The following ALG10B variants were observed in gnomAD, a reference collection of about 807,000 sequenced individuals.
ALG10B encodes ALG10 alpha-1,2-glucosyltransferase B, also known as dol-P-Glc:Glc(2)Man(9)GlcNAc(2)-PP-Dol alpha-1,2-glucosyltransferase B.
In ALG10B, 27 loss-of-function variants were observed where a neutral mutation model predicts 38.7. The observed-to-expected ratio is 0.70, with a 90% confidence interval of 0.51 to 0.96. The LOEUF is 0.96. Ranked by LOEUF, ALG10B falls within the 40% of genes least tolerant of loss-of-function variation. The probability of loss-of-function intolerance (pLI) is 0.00; values close to 1 mark genes in which losing one functional copy is unlikely to be tolerated. For missense variants in ALG10B, 522 were observed against 542.7 expected (o/e 0.96, Z 0.38); for synonymous variants, 177 against 193.3 (o/e 0.92, Z 0.70).
chr12:38,320,106 C>A (rs1232132859), intron 2 of ALG10B, 55 bp from the exon 3 acceptor site: 2 of 1,600,662 alleles, frequency 1.2e-6, no homozygotes, highest in South Asian at 1.1e-5. Context: ...ATTAGGTAAG[C>A]AGAAATAGCA....
In ALG10B at chr12:38,316,966, T is replaced by C; in HGVS notation, c.73T>C (p.Ser25Pro). The change falls in exon 1 of 3, where the codon TCC becomes CCC. Residue 25 changes from serine (S) to proline (P), a missense_variant. Coordinates refer to ENST00000308742, the MANE Select transcript of ALG10B (RefSeq NM_001013620.4). ...CTFLVSCLLF[S>P]AFSRALREPY... Reference sequence around the variant, plus strand: ...CTTTTTAGTGTCCTGCCTCCTCTTCTCCGCCTTCAGCCGGGCGCTGCGAGA... The same window carrying C: ...CTTTTTAGTGTCCTGCCTCCTCTTCCCCGCCTTCAGCCGGGCGCTGCGAGA... 1 of 1,614,072 alleles carries C rather than the reference T, an allele frequency of 6.2e-7. No homozygotes were observed. The highest frequency in any genetic ancestry group is 8.5e-7 in the Non-Finnish European group (1 of 1,180,016).
At chr12:38,319,193 G>T (rs1591936597) in intron 2 of ALG10B, among the ~76,000 whole-genome samples, 2 of 152,188 alleles carry the variant, frequency 1.3e-5, no homozygotes, top group South Asian at 4.1e-4. Context: ...TTCTGGGAGG[G>T]AGAGGAGTAT....
rs1482669731 is a variant in ALG10B, at chr12:38,327,761, T to A, written c.*6548T>A. On this transcript the variant is annotated 3_prime_UTR_variant, in exon 3 of 3. Transcript: ENST00000308742. ...CGTGTTATTTTTGTACTGGATATAG[T>A]CATTTTTTAAAATGCTACAAACTGT... 6.6e-6 allele frequency: 1 copy of A among 152,194 alleles called. No homozygotes were observed. The highest frequency in any genetic ancestry group is 1.5e-5 in the Non-Finnish European group (1 of 68,038). The allele number at this position is 152,194 out of a possible 1,614,324, so 9.4% of individuals were successfully genotyped here.
In ALG10B at chr12:38,327,537, A is replaced by C. The variant is rs1945755355; in HGVS notation, c.*6324A>C. 6.6e-6 allele frequency: 1 copy of C among 152,208 alleles called. No homozygotes were observed. Among genetic ancestry groups the C allele is most frequent in the Non-Finnish European group, 1.5e-5 (1 of 68,040 alleles). The allele number at this position is 152,208 out of a possible 1,614,324, so 9.4% of individuals were successfully genotyped here. On this transcript the variant is annotated 3_prime_UTR_variant, in exon 3 of 3. Coordinates refer to ENST00000308742, the MANE Select transcript of ALG10B (RefSeq NM_001013620.4). ...GAAGAAACTGAAGGTCGGTCAGGTC[A>C]GGTGATTTGCCCAAAGTCCACACTG...
rs1945739213 is a variant in ALG10B, at chr12:38,325,793, G to GTCAGTGTCTGATTGGTA, written c.*4582_*4598dup. Reference sequence around the variant, plus strand: ...GAGAATAGTATTTGTCCTAACTCTAGTCAGTGTCTGATTGGTATGTGTATA... The same window carrying GTCAGTGTCTGATTGGTA: ...GAGAATAGTATTTGTCCTAACTCTAGTCAGTGTCTGATTGGTATCAGTGTCTGATTGGTATGTGTATA... On this transcript the variant is annotated 3_prime_UTR_variant, in exon 3 of 3. Transcript: ENST00000308742. 1 of 152,072 alleles carries GTCAGTGTCTGATTGGTA rather than the reference G, an allele frequency of 6.6e-6. No individual in the cohort carries two copies. Among genetic ancestry groups the GTCAGTGTCTGATTGGTA allele is most frequent in the African/African-American group, 2.4e-5 (1 of 41,410 alleles). The allele number at this position is 152,072 out of a possible 1,614,324, so 9.4% of individuals were successfully genotyped here.
At position 38,316,959 on chromosome 12, in the gene ALG10B, CCTCTT is replaced by C; in HGVS notation, c.70_74del (p.Phe24ArgfsTer25). On this transcript the variant is annotated frameshift_variant, in exon 1 of 3. Transcript: ENST00000308742. LOFTEE classifies it high-confidence loss of function. ...GCTGTACCTTTTTAGTGTCCTGCCT[CCTCTT>C]CTCCGCCTTCAGCCGGGCGCTGCGA... 1.2e-6 allele frequency: 2 copies of C among 1,614,160 alleles called. No individual in the cohort carries two copies. The highest frequency in any genetic ancestry group is 1.1e-5 in the South Asian group (1 of 91,084).
rs1945750048 is a variant in ALG10B, at chr12:38,327,028, T to C, written c.*5815T>C. The C allele has an allele frequency of 6.7e-6, 1 of 149,438 alleles. No individual in the cohort carries two copies. Among genetic ancestry groups the C allele is most frequent in the African/African-American group, 2.4e-5 (1 of 40,940 alleles). 9.3% of individuals were successfully genotyped at this position (149,438 alleles called of 1,614,324 possible). A position where few individuals can be genotyped will look rare whatever the true frequency, so the allele number is the denominator to read the frequency against. ...TTTCTAACAAGGAAAAGAAAATACATATATATATATTTATATATACAAATA... is the reference window on the plus strand; with the variant it reads ...TTTCTAACAAGGAAAAGAAAATACACATATATATATTTATATATACAAATA... On this transcript the variant is annotated 3_prime_UTR_variant, in exon 3 of 3. Transcript: ENST00000308742.
Position 38,325,713 on chromosome 12 carries a change from T to C in ALG10B, c.*4500T>C, listed in dbSNP as rs994606030. The C allele has an allele frequency of 3.3e-5, 5 of 152,192 alleles. No individual in the cohort carries two copies. Among genetic ancestry groups the C allele is most frequent in the African/African-American group, 1.2e-4 (5 of 41,450 alleles). The allele number at this position is 152,192 out of a possible 1,614,324, so 9.4% of individuals were successfully genotyped here. A position where few individuals can be genotyped will look rare whatever the true frequency, so the allele number is the denominator to read the frequency against. On this transcript the variant is annotated 3_prime_UTR_variant, in exon 3 of 3. Coordinates refer to ENST00000308742, the MANE Select transcript of ALG10B (RefSeq NM_001013620.4). ...GGGAGTTAAGATTTTTATATTTGGT[T>C]GTGGCTCTGGGATCAATAAGGCAAG...
At chr12:38,319,921 T>C (rs1945686372) in intron 2 of ALG10B, among the ~76,000 whole-genome samples, 1 of 152,228 alleles carries the variant, frequency 6.6e-6, no homozygotes, top group South Asian at 2.1e-4. Flanking sequence ...TGTGTTAAGC[T>C]ATAGAAGCTT....
chr12:38,321,217 C>T lies in ALG10B; in HGVS notation c.*4C>T. On this transcript the variant is annotated 3_prime_UTR_variant, in exon 3 of 3. Coordinates refer to ENST00000308742, the MANE Select transcript of ALG10B (RefSeq NM_001013620.4). Reference sequence around the variant, plus strand: ...CATTCAAAGGTTTATGTGGTAATATCAGTGATATTTTGAACTGTAAAAATG... The same window carrying T: ...CATTCAAAGGTTTATGTGGTAATATTAGTGATATTTTGAACTGTAAAAATG... The T allele has an allele frequency of 6.2e-7, 1 of 1,609,556 alleles. No individual in the cohort carries two copies. The highest frequency in any genetic ancestry group is 8.5e-7 in the Non-Finnish European group (1 of 1,177,480).
In ALG10B at chr12:38,323,839, T is replaced by C. The variant is rs1275605526; in HGVS notation, c.*2626T>C. 4.3e-6 allele frequency: 3 copies of C among 697,548 alleles called. No individual in the cohort carries two copies. Among genetic ancestry groups the C allele is most frequent in the African/African-American group, 1.8e-5 (1 of 56,824 alleles). The allele number at this position is 697,548 out of a possible 1,614,324, so 43.2% of individuals were successfully genotyped here. A position where few individuals can be genotyped will look rare whatever the true frequency, so the allele number is the denominator to read the frequency against. ...GAGAACTAAATCTGGGAAGTCAAAATTGAAAAAAGAATGTGTAATTTAGGG... is the reference window on the plus strand; with the variant it reads ...GAGAACTAAATCTGGGAAGTCAAAACTGAAAAAAGAATGTGTAATTTAGGG... On this transcript the variant is annotated 3_prime_UTR_variant, in exon 3 of 3. Transcript: ENST00000308742.
chr12:38,317,407 A>G, intron 1 of ALG10B: 1 of 319,644 alleles, frequency 3.1e-6, no homozygotes, highest in East Asian at 7.2e-5. Context: ...AATATCAGAA[A>G]ACTTCCCTTT....
Position 38,328,262 on chromosome 12 carries a change from T to C in ALG10B, c.*7049T>C, listed in dbSNP as rs1277907243. 2 of 152,168 alleles carry C rather than the reference T, an allele frequency of 1.3e-5. No homozygotes were observed. The highest frequency in any genetic ancestry group is 2.9e-5 in the Non-Finnish European group (2 of 67,994). The allele number at this position is 152,168 out of a possible 1,614,324, so 9.4% of individuals were successfully genotyped here. On this transcript the variant is annotated 3_prime_UTR_variant, in exon 3 of 3. Transcript: ENST00000308742. ...GACTTACATGCTGTCTTTGGTATAT[T>C]TTAAGTTTCTAAACCAAAACTACTA... is the stretch of plus-strand genomic sequence containing the variant.
In ALG10B at chr12:38,327,084, T is replaced by A. The variant is rs1232984507; in HGVS notation, c.*5871T>A. 1 of 148,984 alleles carries A rather than the reference T, an allele frequency of 6.7e-6. No individual in the cohort carries two copies. The highest frequency in any genetic ancestry group is 6.7e-5 in the Admixed American group (1 of 14,842). 9.2% of individuals were successfully genotyped at this position (148,984 alleles called of 1,614,324 possible). A position where few individuals can be genotyped will look rare whatever the true frequency, so the allele number is the denominator to read the frequency against. ...GTATTTATATATACAAATTTGTATA[T>A]ATGTAATGTATGTGTGTGTGTATAC... On this transcript the variant is annotated 3_prime_UTR_variant, in exon 3 of 3. Transcript: ENST00000308742.
chr12:38,327,321 C>T lies in ALG10B; in HGVS notation c.*6108C>T, dbSNP rs560041062. 6.6e-6 allele frequency: 1 copy of T among 151,686 alleles called. No homozygotes were observed. The highest frequency in any genetic ancestry group is 1.9e-4 in the East Asian group (1 of 5,176). The allele number at this position is 151,686 out of a possible 1,614,324, so 9.4% of individuals were successfully genotyped here. ...TGAAACTTAATTCAGTTTAGTTGAACCATATATGTGTGTGTATGGCATATA... is the reference window on the plus strand; with the variant it reads ...TGAAACTTAATTCAGTTTAGTTGAATCATATATGTGTGTGTATGGCATATA... On this transcript the variant is annotated 3_prime_UTR_variant, in exon 3 of 3. Transcript: ENST00000308742.
Position 38,320,721 on chromosome 12 carries a change from C to A in ALG10B, c.930C>A (p.Ser310Arg), listed in dbSNP as rs148227848. Residue 310 changes from serine to arginine, a missense_variant, in exon 3 of 3, where the codon AGC (serine) becomes AGA (arginine). Physicochemically the swap from Ser to Arg is moderately radical, Grantham distance 110 (BLOSUM62 -1). Coordinates refer to ENST00000308742, the MANE Select transcript of ALG10B (RefSeq NM_001013620.4). ...FFSFPHLLSP[S>R]KIKTFLSLVW... ...CTTTTCCTCATCTCCTGTCTCCTAG[C>A]AAAATTAAGACTTTTCTTTCCTTAG... 2.4e-5 allele frequency: 39 copies of A among 1,613,950 alleles called. No individual in the cohort carries two copies. The highest frequency in any genetic ancestry group is 4.5e-5 in the East Asian group (2 of 44,868).
In ALG10B at chr12:38,323,939, A is replaced by G. The variant is rs1489274528; in HGVS notation, c.*2726A>G. ...AATACTTCTGAGAGGAGAAGCTTCCACTCTGATCTAGTCTGGCAAAATTGA... is the reference window on the plus strand; with the variant it reads ...AATACTTCTGAGAGGAGAAGCTTCCGCTCTGATCTAGTCTGGCAAAATTGA... On this transcript the variant is annotated 3_prime_UTR_variant, in exon 3 of 3. Coordinates refer to ENST00000308742, the MANE Select transcript of ALG10B (RefSeq NM_001013620.4). The G allele has an allele frequency of 7.1e-6, 5 of 702,142 alleles. No individual in the cohort carries two copies. The highest frequency in any genetic ancestry group is 5.9e-5 in the South Asian group (4 of 67,542). 43.5% of individuals were successfully genotyped at this position (702,142 alleles called of 1,614,324 possible).
chr12:38,329,347 C>T lies in ALG10B; in HGVS notation c.*8134C>T, dbSNP rs1488387431. On this transcript the variant is annotated 3_prime_UTR_variant, in exon 3 of 3. Transcript: ENST00000308742. ...TATTAACATACATTGACATAAAGACCTTTGTTTTAATATGAATGATTCCAG... is the reference window on the plus strand; with the variant it reads ...TATTAACATACATTGACATAAAGACTTTTGTTTTAATATGAATGATTCCAG... 1.3e-5 allele frequency: 5 copies of T among 396,424 alleles called. No individual in the cohort carries two copies. Among genetic ancestry groups the T allele is most frequent in the Non-Finnish European group, 4.4e-6 (1 of 225,108 alleles). 24.6% of individuals were successfully genotyped at this position (396,424 alleles called of 1,614,324 possible). A position where few individuals can be genotyped will look rare whatever the true frequency, so the allele number is the denominator to read the frequency against.
rs532113178 is a variant in ALG10B, at chr12:38,322,735, G to A, written c.*1522G>A. ...AAACATATTCCTTCTATCTAATTGA[G>A]GCTTTGTATCTTTTGATTGTCATCT... On this transcript the variant is annotated 3_prime_UTR_variant, in exon 3 of 3. Transcript: ENST00000308742. 6.6e-6 allele frequency: 1 copy of A among 152,210 alleles called. No individual in the cohort carries two copies. Among genetic ancestry groups the A allele is most frequent in the South Asian group, 2.1e-4 (1 of 4,824 alleles). 9.4% of individuals were successfully genotyped at this position (152,210 alleles called of 1,614,324 possible). A position where few individuals can be genotyped will look rare whatever the true frequency, so the allele number is the denominator to read the frequency against.
Sources: gnomAD v4.1 joint callset for allele counts (sites outside exome capture counted in the v4.1 genomes callset) on GRCh38, gnomAD v4.1.1 for gene constraint, MANE v1.5 for transcripts, NCBI Gene and HGNC (gene_info 2026-07-23, HGNC 2026-07-21) for gene names.